KIRREL3: variants seen among roughly 807,000 people sequenced by gnomAD.
The protein encoded by KIRREL3 is kin of IRRE-like protein 3.
KIRREL3 carries 36 observed loss-of-function variants against 89.7 expected under a neutral mutation model. That is an observed-to-expected ratio of 0.40 (90% CI 0.31 to 0.53). The LOEUF is 0.53. KIRREL3 is among the 20% of genes least tolerant of loss of function. The probability of loss-of-function intolerance (pLI) is 0.49; values close to 1 mark genes in which losing one functional copy is unlikely to be tolerated. For missense variants in KIRREL3, 864 were observed against 1,056.6 expected (o/e 0.82, Z 2.53); for synonymous variants, 445 against 441.4 (o/e 1.01, Z -0.10).
chr11:126,738,674 C>T (rs1948883981), intron 1 of KIRREL3, among the ~76,000 whole-genome samples: 1 of 152,194 alleles, frequency 6.6e-6, no homozygotes, highest in African/African-American at 2.4e-5. Context: ...TGTTTGGCTC[C>T]TTCTCTCCTT....
Position 126,492,539 on chromosome 11 carries a change from T to C in KIRREL3, c.434-19073A>G, listed in dbSNP as rs1591629426. On this transcript the variant is annotated intron_variant, in intron 4 of 16. Transcript: ENST00000525144. This position sits in a 1 kb window ranked among gnomAD's most constrained non-coding sequence, Gnocchi z 4.8. Reference sequence around the variant, plus strand: ...GGGCTAGGGGAGCATGGGGCTGGAGTGGGAAGGAGGAGGAGGAGGGATGAG... The same window carrying C: ...GGGCTAGGGGAGCATGGGGCTGGAGCGGGAAGGAGGAGGAGGAGGGATGAG... 6.6e-6 allele frequency among the ~76,000 whole-genome samples: 1 copy of C among 150,626 alleles called. No individual in the cohort carries two copies. Among genetic ancestry groups the C allele is most frequent in the South Asian group, 2.1e-4 (1 of 4,746 alleles).
At chr11:126,956,904 C>T (rs756210526) in intron 1 of KIRREL3, among the ~76,000 whole-genome samples, 14 of 152,156 alleles carry the variant, frequency 9.2e-5, no homozygotes, top group South Asian at 2.1e-4. Context: ...CACAGAGGCG[C>T]GAAAACAGGT....
At chr11:126,644,978 A>G (rs1944609276) in intron 1 of KIRREL3, among the ~76,000 whole-genome samples, 1 of 152,204 alleles carries the variant, frequency 6.6e-6, no homozygotes, top group South Asian at 2.1e-4. Context: ...GAGAGCTAAA[A>G]TCTATGCCCT....
Position 126,562,955 on chromosome 11 carries a change from G to A in KIRREL3, c.56-43C>T, listed in dbSNP as rs1940240242. On this transcript the variant is annotated intron_variant, in intron 1 of 16. Coordinates refer to ENST00000525144, the MANE Select transcript of KIRREL3 (RefSeq NM_032531.4). This position sits in a 1 kb window ranked among gnomAD's most constrained non-coding sequence, Gnocchi z 4.7. ...GTGGGTGAGTTGGGAATGGGAACAG[G>A]TCAGGCATTGTTGGGGGGCCCTCTG... 4 of 1,517,900 alleles carry A rather than the reference G, an allele frequency of 2.6e-6. No individual in the cohort carries two copies. Among genetic ancestry groups the A allele is most frequent in the Non-Finnish European group, 3.7e-6 (4 of 1,095,000 alleles). 94.0% of individuals were successfully genotyped at this position (1,517,900 alleles called of 1,614,324 possible).
chr11:126,595,128 A>G (rs1045061816), intron 1 of KIRREL3, among the ~76,000 whole-genome samples: 6 of 152,218 alleles, frequency 3.9e-5, no homozygotes, highest in African/African-American at 1.4e-4. Flanking sequence ...AGCACTCAAG[A>G]GCCACTTCAC....
chr11:126,793,952 C>T (rs1471141960), intron 1 of KIRREL3, among the ~76,000 whole-genome samples: 1 of 152,164 alleles, frequency 6.6e-6, no homozygotes, highest in African/African-American at 2.4e-5. Context: ...ATATAACGGC[C>T]TGAAAGGGTG....
intron 1 of KIRREL3, among the ~76,000 whole-genome samples, chr11:126,974,164 T>C (rs182448594): frequency 6.6e-6 from 1 of 152,304 alleles, no homozygotes; most frequent in East Asian, 1.9e-4. Flanking sequence ...TTATGCAACA[T>C]GCTTCCACAG....
In KIRREL3 at chr11:126,531,732, C is replaced by T. The variant is rs1230171678; in HGVS notation, c.134-5045G>A. ...AATTTCTCCAAACCTTTATTGAGCA[C>T]CTACTATATGTCAGATGCTGATGAA... On this transcript the variant is annotated intron_variant, in intron 2 of 16. Coordinates refer to ENST00000525144, the MANE Select transcript of KIRREL3 (RefSeq NM_032531.4). This position sits in a 1 kb window ranked among gnomAD's most constrained non-coding sequence, Gnocchi z 4.7. Among the ~76,000 whole-genome samples the T allele has an allele frequency of 6.6e-6, 1 of 152,186 alleles. No homozygotes were observed. Among genetic ancestry groups the T allele is most frequent in the Non-Finnish European group, 1.5e-5 (1 of 68,028 alleles).
chr11:126,911,395 G>A (rs911735887), intron 1 of KIRREL3, among the ~76,000 whole-genome samples: 2 of 152,184 alleles, frequency 1.3e-5, no homozygotes, highest in Non-Finnish European at 1.5e-5. Flanking sequence ...ATCTGCTGGT[G>A]AAGTCTCCAT....
chr11:126,963,055 C>T lies in KIRREL3; in HGVS notation c.55+37400G>A, dbSNP rs1050138345. ...GGAAACAAAAAAAATTGTGCGATTT[C>T]CTTTATTGCAATGCTCACTTCCTTG... is the stretch of plus-strand genomic sequence containing the variant. On this transcript the variant is annotated intron_variant, in intron 1 of 16. Transcript: ENST00000525144. 6.6e-5 allele frequency among the ~76,000 whole-genome samples: 10 copies of T among 152,262 alleles called. No homozygotes were observed. The East Asian group carries it at 1.5e-3, about 24-fold the overall frequency.
At chr11:126,572,757 G>A (rs973203501) in intron 1 of KIRREL3, among the ~76,000 whole-genome samples, 2 of 152,192 alleles carry the variant, frequency 1.3e-5, no homozygotes, top group African/African-American at 2.4e-5. Context: ...AGGGTGTGCA[G>A]GCAGCAGGGG....
chr11:126,627,613 G>A lies in KIRREL3; in HGVS notation c.56-64701C>T, dbSNP rs1052826421. ...CATCATCTCCTAATTAACATGTCTT[G>A]TCAGGTCCAGCGGTTGGCTTTAGTA... On this transcript the variant is annotated intron_variant, in intron 1 of 16. Transcript: ENST00000525144. This position sits in a 1 kb window ranked among gnomAD's most constrained non-coding sequence, Gnocchi z 5.0. Among the ~76,000 whole-genome samples, 3 of 152,238 alleles carry A rather than the reference G, an allele frequency of 2.0e-5. No homozygotes were observed. The highest frequency in any genetic ancestry group is 7.2e-5 in the African/African-American group (3 of 41,466).
chr11:126,620,936 T>C lies in KIRREL3; in HGVS notation c.56-58024A>G, dbSNP rs569101821. Among the ~76,000 whole-genome samples, 15 of 152,316 alleles carry C rather than the reference T, an allele frequency of 9.8e-5. No individual in the cohort carries two copies. The highest frequency in any genetic ancestry group is 2.0e-4 in the Admixed American group (3 of 15,298). ...TTTTTTCTTCTCTTCTCTGGACTCATAGGTCTTTGGAACTGACCTGTGTGC... is the reference window on the plus strand; with the variant it reads ...TTTTTTCTTCTCTTCTCTGGACTCACAGGTCTTTGGAACTGACCTGTGTGC... On this transcript the variant is annotated intron_variant, in intron 1 of 16. Transcript: ENST00000525144. The surrounding 1 kb of genome is among the most constrained non-coding windows in gnomAD (Gnocchi z 4.8).
At chr11:126,884,218 T>C (rs546094679) in intron 1 of KIRREL3, among the ~76,000 whole-genome samples, 3 of 152,318 alleles carry the variant, frequency 2.0e-5, no homozygotes, top group African/African-American at 2.4e-5. Flanking sequence ...TTCAGTAACA[T>C]GGAGGTGGTC....
rs751721412 is a variant in KIRREL3, at chr11:126,440,494, G to A, written c.1308C>T (p.Gly436=). The part of the protein sequence containing the change: ...QTQHALHGEK[G]QIKCFIRSTP... The stretch of plus-strand genomic sequence containing the variant: ...TGCTCCGGATGAAGCACTTGATCTG[G>A]CCCTTCTCGCCGTGGAGGGCGTGCT... Residue 436 remains glycine, a synonymous_variant, in exon 11 of 17, where the codon GGC becomes GGT. Transcript: ENST00000525144. 21 of 1,601,074 alleles carry A rather than the reference G, an allele frequency of 1.3e-5. No individual in the cohort carries two copies. Among genetic ancestry groups the A allele is most frequent in the Admixed American group, 6.9e-5 (4 of 58,322 alleles).
Position 126,522,035 on chromosome 11 carries a change from T to C in KIRREL3, c.284-571A>G, listed in dbSNP as rs1262735888. The stretch of plus-strand genomic sequence containing the variant: ...CTGGGATTATAGGCATGAGCCACCA[T>C]GCCCGGCCATGTAAGGGTCTTGTTG... On this transcript the variant is annotated intron_variant, in intron 3 of 16. Coordinates refer to ENST00000525144, the MANE Select transcript of KIRREL3 (RefSeq NM_032531.4). This position sits in a 1 kb window ranked among gnomAD's most constrained non-coding sequence, Gnocchi z 6.0. Among the ~76,000 whole-genome samples, 1 of 152,100 alleles carries C rather than the reference T, an allele frequency of 6.6e-6. No homozygotes were observed. Among genetic ancestry groups the C allele is most frequent in the African/African-American group, 2.4e-5 (1 of 41,408 alleles).
chr11:126,941,315 C>T (rs1948436862), intron 1 of KIRREL3, among the ~76,000 whole-genome samples: 2 of 152,296 alleles, frequency 1.3e-5, no homozygotes, highest in Admixed American at 1.3e-4. Context: ...GCCACCTGAT[C>T]TCTCCAGTCT....
At chr11:126,849,484 AACCCTCTC>A (rs1411454324) in intron 1 of KIRREL3, among the ~76,000 whole-genome samples, 2 of 152,276 alleles carry the variant, frequency 1.3e-5, no homozygotes, top group East Asian at 3.9e-4. Context: ...GAGATCCAAG[AACCCTCTC>A]TGGATTGAGG....
Position 126,571,012 on chromosome 11 carries a change from T to G in KIRREL3, c.56-8100A>C, listed in dbSNP as rs565458889. On this transcript the variant is annotated intron_variant, in intron 1 of 16. Coordinates refer to ENST00000525144, the MANE Select transcript of KIRREL3 (RefSeq NM_032531.4). This position sits in a 1 kb window ranked among gnomAD's most constrained non-coding sequence, Gnocchi z 7.7. ...TTGTTATTTAGCGAGAGATTGACACTTTAGAGGAGTGAGGAGTTTGTCCTG... is the reference window on the plus strand; with the variant it reads ...TTGTTATTTAGCGAGAGATTGACACGTTAGAGGAGTGAGGAGTTTGTCCTG... Among the ~76,000 whole-genome samples the G allele has an allele frequency of 4.6e-4, 70 of 152,278 alleles. No individual in the cohort carries two copies. The highest frequency in any genetic ancestry group is 7.9e-4 in the Non-Finnish European group (54 of 68,012).
Sources: gnomAD v4.1 joint callset for allele counts (sites outside exome capture counted in the v4.1 genomes callset) on GRCh38, gnomAD v4.1.1 for gene constraint, Gnocchi (gnomAD v3.1) non-coding constraint, MANE v1.5 for transcripts, NCBI Gene and HGNC (gene_info 2026-07-23, HGNC 2026-07-21) for gene names.